MUC4: variants seen among roughly 807,000 people sequenced by gnomAD.
MUC4 encodes the protein mucin 4, cell surface associated.
Under a neutral mutation model 257.9 loss-of-function variants are expected in MUC4, and 202 were observed. That is an observed-to-expected ratio of 0.78 (90% CI 0.70 to 0.88). The LOEUF (loss-of-function observed/expected upper bound fraction) is 0.88, where lower values mean the gene tolerates loss of function less well. Among genes scored for constraint, MUC4 ranks in the 40% least tolerant of loss-of-function variants. MUC4 has a pLI of 0.00. For synonymous variants in MUC4, 2,351 were observed against 2,757.1 expected (o/e 0.85, Z 4.62); for missense variants, 5,976 against 6,513.7 (o/e 0.92, Z 2.84).
chr3:195,765,119 C>T lies in MUC4; in HGVS notation c.13802G>A (p.Arg4601His), dbSNP rs769883826. The T allele has an allele frequency of 4.6e-5, 74 of 1,611,684 alleles. No homozygotes were observed. In the East Asian group the frequency reaches 1.0e-3, roughly 22 times the overall value. Residue 4601 changes from arginine (R) to histidine (H), a missense_variant, in exon 10 of 25, where the codon CGC becomes CAC. Physicochemically the swap from Arg to His is conservative, Grantham distance 29. This residue lies in a region of MUC4 where 996 missense variants were observed against 1,137.3 expected (regional missense o/e 0.88). Coordinates refer to ENST00000463781, the MANE Select transcript of MUC4 (RefSeq NM_018406.7). ...DLRFQPVSIG[R>H]WGLGSRQLCS... is the part of the protein sequence containing the mutation. ...CAGCTGCCTACTGCCGAGGCCCCAGCGACCTGAAACAAGTCCAGTCCCACT... is the reference window on the plus strand; with the variant it reads ...CAGCTGCCTACTGCCGAGGCCCCAGTGACCTGAAACAAGTCCAGTCCCACT...
intron 21 of MUC4, chr3:195,751,568 A>G: frequency 1.9e-6 from 1 of 514,148 alleles, no homozygotes. Flanking sequence ...CCTCTGACAC[A>G]TGACTCATGA....
Position 195,784,878 on chromosome 3 carries a change from G to A in MUC4, c.6702C>T (p.Ser2234=), listed in dbSNP as rs199714873. 0.01 allele frequency: 14,854 copies of A among 1,425,242 alleles called. 14 individuals carry two copies. Among genetic ancestry groups the A allele is most frequent in the Non-Finnish European group, 0.012 (12,447 of 1,049,516 alleles). The allele number at this position is 1,425,242 out of a possible 1,614,324, so 88.3% of individuals were successfully genotyped here. Reference sequence around the variant, plus strand: ...CAGGAAGAGGGGTGGCCTGTCCTGTGGATGCTGAGGAAGTGTCGGTGACAA... The same window carrying A: ...CAGGAAGAGGGGTGGCCTGTCCTGTAGATGCTGAGGAAGTGTCGGTGACAA... ...PLLVTDTSSA[S]TGQATPLPVT... The change falls in exon 2 of 25, where the codon TCC becomes TCT. Residue 2234 remains serine, a synonymous_variant. Coordinates refer to ENST00000463781, the MANE Select transcript of MUC4 (RefSeq NM_018406.7).
rs778536277 is a variant in MUC4 at position 195,780,327 on chromosome 3, G to A, written c.11253C>T (p.Ser3751=). 15 of 1,528,108 alleles carry A rather than the reference G, an allele frequency of 9.8e-6. No individual in the cohort carries two copies. The highest frequency in any genetic ancestry group is 1.3e-5 in the Non-Finnish European group (15 of 1,132,386). 94.7% of individuals were successfully genotyped at this position (1,528,108 alleles called of 1,614,324 possible). Residue 3751 remains serine, a synonymous_variant, in exon 2 of 25, where the codon TCC becomes TCT. Transcript: ENST00000463781. ...GGGTGGCGTGACCTGTGGATGCTGA[G>A]GAAGTGCTGGTGACAGGAAGAGGGG... ...HVTPLPVTST[S]SASTGHATPL...
Position 195,757,411 on chromosome 3 carries a change from C to T in MUC4, c.14987-83G>A. The T allele has an allele frequency of 1.5e-6, 2 of 1,331,826 alleles. No homozygotes were observed. The highest frequency in any genetic ancestry group is 1.0e-6 in the Non-Finnish European group (1 of 969,232). 82.5% of individuals were successfully genotyped at this position (1,331,826 alleles called of 1,614,324 possible). A position where few individuals can be genotyped will look rare whatever the true frequency, so the allele number is the denominator to read the frequency against. ...GATTGCTGATACGGGGCTTCCCCCA[C>T]CCCTCTCAGGCCACCCTCCCCCTCC... is the stretch of plus-strand genomic sequence containing the variant. On this transcript the variant is annotated intron_variant, in intron 17 of 24. Transcript: ENST00000463781. This position sits in a 1 kb window ranked among gnomAD's most constrained non-coding sequence, Gnocchi z 4.8.
chr3:195,771,694 G>A lies in MUC4; in HGVS notation c.13200C>T (p.Asp4400=), dbSNP rs763764297. The A allele has an allele frequency of 1.8e-5, 29 of 1,613,802 alleles. No homozygotes were observed. The highest frequency in any genetic ancestry group is 9.3e-5 in the African/African-American group (7 of 74,896). The change falls in exon 5 of 25, where the codon GAC becomes GAT. Residue 4400 remains aspartate, a synonymous_variant. Transcript: ENST00000463781. ...CCCGACCAGTGGAGAAGTCAGCATCGTCCCAGAACGGAGCCACCAGGGCCA... is the reference window on the plus strand; with the variant it reads ...CCCGACCAGTGGAGAAGTCAGCATCATCCCAGAACGGAGCCACCAGGGCCA... ...DPVALVAPFW[D]DADFSTGRGT...
Position 195,782,776 on chromosome 3 carries a change from G to A in MUC4, c.8804C>T (p.Ser2935Phe), listed in dbSNP as rs1363720746. The A allele has an allele frequency of 2.6e-6, 4 of 1,518,040 alleles. No individual in the cohort carries two copies. Among genetic ancestry groups the A allele is most frequent in the Non-Finnish European group, 2.7e-6 (3 of 1,128,094 alleles). 94.0% of individuals were successfully genotyped at this position (1,518,040 alleles called of 1,614,324 possible). A position where few individuals can be genotyped will look rare whatever the true frequency, so the allele number is the denominator to read the frequency against. ...QATPLPVTSLSSVSTGDTTPL... is the reference protein window; with the variant it reads ...QATPLPVTSLFSVSTGDTTPL... ...GGTGGTGTCACCTGTGGATACTGAG[G>A]AAAGGCTGGTGACAGGAAGAGGGGT... is the stretch of plus-strand genomic sequence containing the variant. The change falls in exon 2 of 25, where the codon TCC (serine) becomes TTC (phenylalanine). Residue 2935 changes from serine (S) to phenylalanine (F), a missense_variant. By Grantham distance (155) the Ser-to-Phe change is radical. Coordinates refer to ENST00000463781, the MANE Select transcript of MUC4 (RefSeq NM_018406.7).
rs1406133394 is a variant in MUC4 at position 195,779,776 on chromosome 3, G to C, written c.11804C>G (p.Thr3935Ser). ...DVSSASTGHA[T>S]PLPVTSTSSA... ...GGAAGTGCTGGTGACAGGAAGAGGG[G>C]TGGCATGTCCTGTGGATGCCGAGGA... Residue 3935 changes from threonine (T) to serine (S), a missense_variant, in exon 2 of 25, where the codon ACC (threonine) becomes AGC (serine). Thr to Ser is a moderately conservative substitution (Grantham distance 58, BLOSUM62 1). Transcript: ENST00000463781. The C allele has an allele frequency of 1.9e-6, 2 of 1,076,586 alleles. 1 individual carries two copies. The highest frequency in any genetic ancestry group is 4.4e-5 in the African/African-American group (2 of 45,668). 66.7% of individuals were successfully genotyped at this position (1,076,586 alleles called of 1,614,324 possible). A position where few individuals can be genotyped will look rare whatever the true frequency, so the allele number is the denominator to read the frequency against.
intron 17 of MUC4, among the ~76,000 whole-genome samples, chr3:195,758,573 C>CTTT (rs55860315): frequency 2.4e-5 from 3 of 126,480 alleles, no homozygotes; most frequent in African/African-American, 6.2e-5. Context: ...ATCTTCAAAT[C>CTTT]TTTTTTTTGA....
At chr3:195,808,699 CTTCCCTGTG>C (rs1365192237) in intron 1 of MUC4, among the ~76,000 whole-genome samples, 11 of 152,198 alleles carry the variant, frequency 7.2e-5, no homozygotes, top group Non-Finnish European at 1.5e-4. Flanking sequence ...AGCCCCTGCT[CTTCCCTGTG>C]CACCTTGCTG....
rs112809413 is a variant in MUC4 at position 195,789,610 on chromosome 3, G to A, written c.1970C>T (p.Pro657Leu). Residue 657 changes from proline (P) to leucine (L), a missense_variant, in exon 2 of 25, where the codon CCC (proline) becomes CTC (leucine). By Grantham distance (98) the Pro-to-Leu change is moderately conservative. This residue lies in a region of MUC4 where 1,583 missense variants were observed against 1,257.4 expected (regional missense o/e 1.26). Transcript: ENST00000463781. ...QESQTTRSVSPMTDTKTVTTP... is the reference protein window; with the variant it reads ...QESQTTRSVSLMTDTKTVTTP... Reference sequence around the variant, plus strand: ...GGTGACTGTCTTGGTGTCAGTCATGGGGGAGACGGACCTCGTGGTTTGTGA... The same window carrying A: ...GGTGACTGTCTTGGTGTCAGTCATGAGGGAGACGGACCTCGTGGTTTGTGA... The A allele has an allele frequency of 1.4e-5, 23 of 1,613,998 alleles. 1 individual carries two copies. In the African/African-American group the frequency reaches 1.7e-4, roughly 12 times the overall value.
At chr3:195,796,837 CT>C (rs1425881256) in intron 1 of MUC4, among the ~76,000 whole-genome samples, 3 of 152,106 alleles carry the variant, frequency 2.0e-5, no homozygotes, top group Non-Finnish European at 4.4e-5. Flanking sequence ...AAATGATCTA[CT>C]AATAATTTTA....
rs190849700 is a variant in MUC4 at position 195,773,907 on chromosome 3, G to A, written c.13077+265C>T. Among the ~76,000 whole-genome samples, 241 of 152,370 alleles carry A rather than the reference G, an allele frequency of 1.6e-3. 1 individual carries two copies. Among genetic ancestry groups the A allele is most frequent in the African/African-American group, 5.1e-3 (214 of 41,592 alleles). Reference sequence around the variant, plus strand: ...GAGACAAATCCCAGAAGGTGGAAACGGCAGGAACAGTCCAGTTTCCCAAGT... The same window carrying A: ...GAGACAAATCCCAGAAGGTGGAAACAGCAGGAACAGTCCAGTTTCCCAAGT... On this transcript the variant is annotated intron_variant, in intron 4 of 24. Transcript: ENST00000463781.
chr3:195,778,726 C>A (rs1206701835), intron 2 of MUC4, 64 bp downstream of exon 2: 10 of 1,493,586 alleles, frequency 6.7e-6, no homozygotes, highest in Non-Finnish European at 9.1e-6. Flanking sequence ...CTCAGGTACT[C>A]CTTAGGCTGA....
In MUC4 at chr3:195,771,048, G is replaced by GGGTA. The variant is rs1227204782; in HGVS notation, c.13242+603_13242+604insTACC. 1.9e-4 allele frequency among the ~76,000 whole-genome samples: 28 copies of GGGTA among 146,652 alleles called. 1 individual carries two copies. The highest frequency in any genetic ancestry group is 2.0e-4 in the African/African-American group (8 of 39,040). ...TGGGGTATTCCTGGTCAGTCTCGTGGTTGGGTTGGGGTATTCCTGGTCAGT... is the reference window on the plus strand; with the variant it reads ...TGGGGTATTCCTGGTCAGTCTCGTGGGGTATTGGGTTGGGGTATTCCTGGTCAGT... On this transcript the variant is annotated intron_variant, in intron 5 of 24. Coordinates refer to ENST00000463781, the MANE Select transcript of MUC4 (RefSeq NM_018406.7).
intron 1 of MUC4, among the ~76,000 whole-genome samples, chr3:195,806,806 T>G (rs1002161189): frequency 1.3e-5 from 2 of 152,198 alleles, no homozygotes; most frequent in Non-Finnish European, 2.9e-5. Flanking sequence ...TTAGAGAGCT[T>G]TGAAAAGCAG....
Position 195,784,877 on chromosome 3 carries a change from T to A in MUC4, c.6703A>T (p.Thr2235Ser). 1 of 1,437,782 alleles carries A rather than the reference T, an allele frequency of 7.0e-7. No individual in the cohort carries two copies. Among genetic ancestry groups the A allele is most frequent in the Non-Finnish European group, 9.4e-7 (1 of 1,059,756 alleles). The allele number at this position is 1,437,782 out of a possible 1,614,324, so 89.1% of individuals were successfully genotyped here. A position where few individuals can be genotyped will look rare whatever the true frequency, so the allele number is the denominator to read the frequency against. ...ACAGGAAGAGGGGTGGCCTGTCCTG[T>A]GGATGCTGAGGAAGTGTCGGTGACA... ...LLVTDTSSASTGQATPLPVTS... is the reference protein window; with the variant it reads ...LLVTDTSSASSGQATPLPVTS... The change falls in exon 2 of 25, where the codon ACA becomes TCA. Residue 2235 changes from threonine to serine, a missense_variant. Physicochemically the swap from Thr to Ser is moderately conservative, Grantham distance 58. Coordinates refer to ENST00000463781, the MANE Select transcript of MUC4 (RefSeq NM_018406.7).
At chr3:195,771,983 A>G (rs1457645708) in intron 4 of MUC4, among the ~76,000 whole-genome samples, 167 bp from the exon 5 acceptor site, 2 of 152,152 alleles carry the variant, frequency 1.3e-5, no homozygotes, top group East Asian at 1.9e-4. Flanking sequence ...AGCCCTTTCC[A>G]TATATTCTCA....
In MUC4 at chr3:195,779,435, GA is replaced by G; in HGVS notation, c.12144del (p.Leu4049PhefsTer210). On this transcript the variant is annotated frameshift_variant, in exon 2 of 25. Transcript: ENST00000463781. LOFTEE classifies it high-confidence loss of function. ...AATGAGGAAGCATTGGTGACAGGAA[GA>G]GGGGTGGTGTCACCTGTGGATGCTG... Reference protein sequence around the residue: ...TSSASTGDTTPLPVTNASSLS... With the variant: ...TSSASTGDTTXLPVTNASSLS... 2 of 912,404 alleles carry G rather than the reference GA, an allele frequency of 2.2e-6. 1 individual carries two copies. The highest frequency in any genetic ancestry group is 3.1e-6 in the Non-Finnish European group (2 of 649,126). The allele number at this position is 912,404 out of a possible 1,614,324, so 56.5% of individuals were successfully genotyped here.
Position 195,789,387 on chromosome 3 carries a change from T to A in MUC4, c.2193A>T (p.Ser731=), listed in dbSNP as rs1733559360. The change falls in exon 2 of 25, where the codon TCA becomes TCT. Residue 731 remains serine, a synonymous_variant. Coordinates refer to ENST00000463781, the MANE Select transcript of MUC4 (RefSeq NM_018406.7). The part of the protein sequence containing the change: ...DATLGPSGGT[S]LSKTGALTLA... ...GAGTAAGGGCACCTGTTTTGGAAAG[T>A]GACGTGCCTCCTGAGGGCCCCAGGG... 1 of 1,613,766 alleles carries A rather than the reference T, an allele frequency of 6.2e-7. No individual in the cohort carries two copies.
Sources: allele counts gnomAD v4.1 joint callset (sites outside exome capture counted in the v4.1 genomes callset), GRCh38; gene constraint gnomAD v4.1.1; regional missense constraint gnomAD v4.1.1; non-coding constraint Gnocchi (gnomAD v3.1); transcripts MANE v1.5; gene names NCBI Gene and HGNC (gene_info 2026-07-23, HGNC 2026-07-21).